Variants in BABAM2 observed in about 807,000 individuals in gnomAD.
BABAM2 encodes BRISC and BRCA1 A complex member 2.
In BABAM2, 31 loss-of-function variants were observed where a neutral mutation model predicts 54.7. The observed-to-expected ratio is 0.57, with a 90% CI of 0.43 to 0.77. The LOEUF is 0.77. Among genes scored for constraint, BABAM2 ranks in the 30% least tolerant of loss-of-function variants. The probability of loss-of-function intolerance (pLI) is 0.00; values close to 1 mark genes in which losing one functional copy is unlikely to be tolerated. For synonymous variants in BABAM2, 167 were observed against 162.9 expected (o/e 1.03, Z -0.19); for missense variants, 364 against 455.8 (o/e 0.80, Z 1.83).
intron 2 of BABAM2, among the ~76,000 whole-genome samples, chr2:27,900,798 C>G (rs1222889097): frequency 2.0e-5 from 3 of 152,136 alleles, no homozygotes; most frequent in African/African-American, 7.2e-5. Context: ...AATCCCAGCA[C>G]TTTGGGAGGC....
In BABAM2 at chr2:28,235,342, A is replaced by C. The variant is rs186362636; in HGVS notation, c.681-1860A>C. ...CAGGCGCATGCCACCACGCCCAGCT[A>C]ATTTTTCTATTTTTAGTAGAGACAG... On this transcript the variant is annotated intron_variant, in intron 7 of 11. Transcript: ENST00000379624. Among the ~76,000 whole-genome samples the C allele has an allele frequency of 2.7e-4, 41 of 151,130 alleles. 2 individuals are homozygous for C. In the East Asian group the frequency reaches 7.9e-3, roughly 29 times the overall value.
At chr2:28,050,315 C>A (rs1050389416) in intron 6 of BABAM2, among the ~76,000 whole-genome samples, 1 of 152,180 alleles carries the variant, frequency 6.6e-6, no homozygotes, top group African/African-American at 2.4e-5. Context: ...TAATTTGTGA[C>A]CCTTGCTCTA....
At chr2:27,981,017 G>A (rs919299760) in intron 3 of BABAM2, among the ~76,000 whole-genome samples, 4 of 151,884 alleles carry the variant, frequency 2.6e-5, no homozygotes, top group Non-Finnish European at 5.9e-5. Flanking sequence ...CCATAAATAA[G>A]TACAGCATTA....
At position 28,016,433 on chromosome 2, in the gene BABAM2, G is replaced by A. The variant is rs561196753; in HGVS notation, c.301-8793G>A. The A allele has an allele frequency of 4.3e-4, 606 of 1,399,582 alleles. 1 individual carries two copies. In the African/African-American group the frequency reaches 7.7e-3, roughly 18 times the overall value. The allele number at this position is 1,399,582 out of a possible 1,614,324, so 86.7% of individuals were successfully genotyped here. ...AGACTGGATTGGACCCCTTGATCTC[G>A]CCATTGCTGTTGGGTTCATATAGGC... is the stretch of plus-strand genomic sequence containing the variant. On this transcript the variant is annotated intron_variant, in intron 4 of 11. Transcript: ENST00000379624.
intron 7 of BABAM2, among the ~76,000 whole-genome samples, chr2:28,177,603 C>T (rs569269173): frequency 1.1e-4 from 17 of 151,418 alleles, no homozygotes; most frequent in South Asian, 6.2e-4. Flanking sequence ...AGCCAGAAAA[C>T]GATTGAACAA....
At chr2:28,315,578 C>A (rs1689482450) in intron 11 of BABAM2, among the ~76,000 whole-genome samples, 1 of 151,730 alleles carries the variant, frequency 6.6e-6, no homozygotes, top group South Asian at 2.1e-4. Context: ...AGCAATCCTC[C>A]CACCTCAGCC....
chr2:28,285,630 C>A (rs1176527149), intron 10 of BABAM2, among the ~76,000 whole-genome samples: 1 of 152,178 alleles, frequency 6.6e-6, no homozygotes, highest in Non-Finnish European at 1.5e-5. Flanking sequence ...AGCCTTACAT[C>A]CAATCCCAAA....
chr2:28,229,258 G>T (rs1022011796), intron 7 of BABAM2, among the ~76,000 whole-genome samples: 4 of 152,132 alleles, frequency 2.6e-5, no homozygotes, highest in African/African-American at 9.7e-5. Flanking sequence ...CCTGGAGTTC[G>T]ATGCCTCTTT....
chr2:28,041,161 T>C (rs994694708), intron 5 of BABAM2, among the ~76,000 whole-genome samples: 4 of 152,252 alleles, frequency 2.6e-5, no homozygotes, highest in African/African-American at 9.6e-5. Flanking sequence ...ATCCTACATT[T>C]CACTTTTGTT....
chr2:27,992,873 T>G (rs1672876344), intron 4 of BABAM2, among the ~76,000 whole-genome samples: 1 of 152,196 alleles, frequency 6.6e-6, no homozygotes, highest in Non-Finnish European at 1.5e-5. Context: ...CATTTTTTAT[T>G]TACTCTACCT....
intron 11 of BABAM2, among the ~76,000 whole-genome samples, chr2:28,300,932 G>GT (rs572149200): frequency 2.0e-5 from 3 of 152,108 alleles, no homozygotes; most frequent in Non-Finnish European, 4.4e-5. Flanking sequence ...AGAAGAAATA[G>GT]TTTAAGTTTC....
At chr2:28,301,662 C>G (rs1420533886) in intron 11 of BABAM2, among the ~76,000 whole-genome samples, 1 of 152,138 alleles carries the variant, frequency 6.6e-6, no homozygotes, top group Non-Finnish European at 1.5e-5. Context: ...ACAGACACAT[C>G]CTTCAACCTT....
intron 2 of BABAM2, chr2:27,896,865 C>A (rs138172153): frequency 9.9e-6 from 2 of 201,680 alleles, no homozygotes. Flanking sequence ...TGACAGGGAG[C>A]TCGTGGTCTC....
chr2:28,260,941 CTTTT>C (rs34766123), intron 10 of BABAM2, among the ~76,000 whole-genome samples: 2 of 110,794 alleles, frequency 1.8e-5, no homozygotes, highest in Admixed American at 1.0e-4. Flanking sequence ...CATTTTCTTT[CTTTT>C]TTTTTTTTTT....
chr2:28,081,291 A>G (rs1005083052), intron 6 of BABAM2, among the ~76,000 whole-genome samples: 1 of 152,202 alleles, frequency 6.6e-6, no homozygotes, highest in Non-Finnish European at 1.5e-5. Flanking sequence ...ATACAGGGCA[A>G]GTAGGAGCTG....
rs186069043 is a variant in BABAM2, at chr2:27,945,793, A to G, written c.205+15885A>G. ...ATACTTTCTGATGCCAATTTATAGTAGTGTGGTTTTTTTTTTTTTGAACTT... is the reference window on the plus strand; with the variant it reads ...ATACTTTCTGATGCCAATTTATAGTGGTGTGGTTTTTTTTTTTTTGAACTT... On this transcript the variant is annotated intron_variant, in intron 3 of 11. Coordinates refer to ENST00000379624, the MANE Select transcript of BABAM2 (RefSeq NM_199191.3). Among the ~76,000 whole-genome samples, 9 of 151,474 alleles carry G rather than the reference A, an allele frequency of 5.9e-5. No individual in the cohort carries two copies. In the East Asian group the frequency reaches 1.7e-3, roughly 29 times the overall value.
chr2:28,187,778 C>T (rs1341806775), intron 7 of BABAM2, among the ~76,000 whole-genome samples: 2 of 145,054 alleles, frequency 1.4e-5, no homozygotes, highest in Non-Finnish European at 3.0e-5. Flanking sequence ...AAGCGATTAT[C>T]CTGCCTCAGC....
intron 2 of BABAM2, among the ~76,000 whole-genome samples, chr2:27,899,507 T>C (rs1299156440): frequency 6.6e-6 from 1 of 151,254 alleles, no homozygotes; most frequent in Non-Finnish European, 1.5e-5. Flanking sequence ...AGAGTTTCGC[T>C]CTTGTTGCCC....
chr2:28,320,556 T>C (rs1689945700), intron 11 of BABAM2, among the ~76,000 whole-genome samples: 1 of 152,224 alleles, frequency 6.6e-6, no homozygotes, highest in Non-Finnish European at 1.5e-5. Context: ...ATGTCTCCAA[T>C]TTCATTACTA....
Sources: gnomAD v4.1 joint callset for allele counts (sites outside exome capture counted in the v4.1 genomes callset) on GRCh38, gnomAD v4.1.1 for gene constraint, MANE v1.5 for transcripts, NCBI Gene and HGNC (gene_info 2026-07-23, HGNC 2026-07-21) for gene names.